The following UNC13C variants were observed in gnomAD, a reference collection of about 807,000 sequenced individuals.
UNC13C encodes protein unc-13 homolog C.
UNC13C carries 174 observed loss-of-function variants against 245.4 expected under a neutral mutation model. The ratio of observed to expected loss-of-function variants is 0.71; its 90% CI spans 0.63 to 0.80. UNC13C has a LOEUF of 0.80. UNC13C is among the 30% of genes least tolerant of loss of function. The pLI, the probability that UNC13C is intolerant of heterozygous loss-of-function variation, is 0.00. For synonymous variants in UNC13C, 992 were observed against 895.1 expected (o/e 1.11, Z -1.93); for missense variants, 2,829 against 2,602.9 (o/e 1.09, Z -1.89).
chr15:54,575,226 G>T (rs1897908898), intron 30 of UNC13C, among the ~76,000 whole-genome samples: 1 of 152,144 alleles, frequency 6.6e-6, no homozygotes, highest in Non-Finnish European at 1.5e-5. Context: ...AGTAGAGACG[G>T]TGTTTCACCA....
intron 2 of UNC13C, among the ~76,000 whole-genome samples, chr15:54,056,271 T>A (rs1350518256): frequency 6.6e-6 from 1 of 152,152 alleles, no homozygotes; most frequent in African/African-American, 2.4e-5. Context: ...TTAAAGGACC[T>A]GATGGATCAG....
intron 4 of UNC13C, among the ~76,000 whole-genome samples, chr15:54,197,589 T>A (rs555713538): frequency 6.6e-6 from 1 of 152,074 alleles, no homozygotes; most frequent in Non-Finnish European, 1.5e-5. Flanking sequence ...AATAATTGAG[T>A]TGTGGATGCA....
At chr15:54,255,700 G>T (rs565483338) in intron 8 of UNC13C, among the ~76,000 whole-genome samples, 5 of 152,260 alleles carry the variant, frequency 3.3e-5, no homozygotes, top group African/African-American at 9.6e-5. Flanking sequence ...CAACATTTGG[G>T]CAGGAAAACA....
intron 13 of UNC13C, chr15:54,320,854 C>G (rs980456541): frequency 3.1e-6 from 1 of 322,026 alleles, no homozygotes; most frequent in African/African-American, 2.2e-5. Context: ...AAGTTTCTAC[C>G]CTTCATTCAT....
chr15:54,226,617 A>G (rs571093207), intron 4 of UNC13C, among the ~76,000 whole-genome samples: 41 of 152,298 alleles, frequency 2.7e-4, no homozygotes, highest in African/African-American at 9.4e-4. Context: ...CCAGCCAAGG[A>G]CAAGCCAGGT....
intron 19 of UNC13C, among the ~76,000 whole-genome samples, chr15:54,432,915 C>T (rs192463027): frequency 6.6e-6 from 1 of 151,940 alleles, no homozygotes; most frequent in African/African-American, 2.4e-5. Flanking sequence ...AAGGGGATAT[C>T]ACCACTGATC....
chr15:54,439,694 A>G (rs1890413310), intron 19 of UNC13C, among the ~76,000 whole-genome samples: 1 of 151,930 alleles, frequency 6.6e-6, no homozygotes, highest in Non-Finnish European at 1.5e-5. Flanking sequence ...TACATGTGAT[A>G]TTTTGTTCCA....
intron 2 of UNC13C, among the ~76,000 whole-genome samples, chr15:54,043,907 A>G (rs1463825925): frequency 1.3e-5 from 2 of 152,148 alleles, no homozygotes; most frequent in African/African-American, 2.4e-5. Flanking sequence ...AGTTTTTCCT[A>G]TTACAACTTT....
intron 17 of UNC13C, among the ~76,000 whole-genome samples, chr15:54,385,866 A>T (rs1050847316): frequency 6.6e-6 from 1 of 152,160 alleles, no homozygotes; most frequent in Non-Finnish European, 1.5e-5. Flanking sequence ...AGAAAAAAGA[A>T]TGCTCTAAAA....
intron 8 of UNC13C, 107 bp from the exon 9 acceptor site, chr15:54,264,061 A>G (rs12917364): frequency 0.39 from 442,293 of 1,123,654 alleles, 90,160 homozygotes; most frequent in African/African-American, 0.53. Flanking sequence ...ACTCCACAGA[A>G]TGAAAGCACT....
chr15:54,457,907 C>CT lies in UNC13C; in HGVS notation c.4934-36691dup, dbSNP rs904615659. On this transcript the variant is annotated intron_variant, in intron 19 of 32. Transcript: ENST00000260323. ...TCTGCTTTTCGTTTTTTTTTTTTTC[C>CT]TTTTTTTTTTCTGCTACTGGATTTG... is the stretch of plus-strand genomic sequence containing the variant. Among the ~76,000 whole-genome samples, 839 of 93,918 alleles carry CT rather than the reference C, an allele frequency of 8.9e-3. 4 individuals are homozygous for CT. Among genetic ancestry groups the CT allele is most frequent in the Admixed American group, 0.015 (139 of 9,066 alleles). The allele number at this position is 93,918 out of a possible 152,430, so 61.6% of individuals were successfully genotyped here. A position where few individuals can be genotyped will look rare whatever the true frequency, so the allele number is the denominator to read the frequency against.
intron 27 of UNC13C, among the ~76,000 whole-genome samples, chr15:54,548,113 T>A (rs184201408): frequency 1.9e-4 from 29 of 152,054 alleles, no homozygotes; most frequent in Admixed American, 2.6e-4. Context: ...GATTGCAGGC[T>A]ACCTTTTCCC....
chr15:54,129,220 T>C (rs915351536), intron 2 of UNC13C, among the ~76,000 whole-genome samples: 1 of 152,334 alleles, frequency 6.6e-6, no homozygotes, highest in Admixed American at 6.5e-5. Flanking sequence ...CACGGTTTTA[T>C]CACGGGGGTA....
At chr15:54,470,982 C>G (rs887688318) in intron 19 of UNC13C, among the ~76,000 whole-genome samples, 1 of 151,182 alleles carries the variant, frequency 6.6e-6, no homozygotes, top group Non-Finnish European at 1.5e-5. Context: ...TTTTTAGGAG[C>G]ACATTGTTCA....
chr15:54,398,280 C>T (rs926803928), intron 18 of UNC13C, among the ~76,000 whole-genome samples: 1 of 151,320 alleles, frequency 6.6e-6, no homozygotes, highest in Non-Finnish European at 1.5e-5. Context: ...TTAAACCAAC[C>T]TTGCATTCCT....
At chr15:53,998,641 A>G (rs1365548029) in intron 1 of UNC13C, among the ~76,000 whole-genome samples, 1 of 152,084 alleles carries the variant, frequency 6.6e-6, no homozygotes, top group Non-Finnish European at 1.5e-5. Context: ...AAATCCTCCA[A>G]TTCAATGTTA....
intron 23 of UNC13C, 37 bp from the exon 24 acceptor site, chr15:54,511,716 A>T: frequency 7.1e-7 from 1 of 1,404,748 alleles, no homozygotes; most frequent in South Asian, 1.3e-5. Context: ...TTATATAAAA[A>T]GATTGCTCAT....
intron 1 of UNC13C, among the ~76,000 whole-genome samples, chr15:54,012,428 A>G (rs1179478798): frequency 6.6e-6 from 1 of 152,210 alleles, no homozygotes; most frequent in East Asian, 1.9e-4. Flanking sequence ...GTGTCCACCC[A>G]TAAATGATTT....
intron 19 of UNC13C, among the ~76,000 whole-genome samples, chr15:54,464,748 A>C (rs1892076351): frequency 6.6e-6 from 1 of 152,110 alleles, no homozygotes; most frequent in Non-Finnish European, 1.5e-5. Context: ...GTAGAAAATG[A>C]GTGTAAATTA....
Sources: allele counts gnomAD v4.1 joint callset (sites outside exome capture counted in the v4.1 genomes callset), GRCh38; gene constraint gnomAD v4.1.1; transcripts MANE v1.5; gene names NCBI Gene and HGNC (gene_info 2026-07-23, HGNC 2026-07-21).